Variants in SLC35B4 observed in about 807,000 individuals in gnomAD.
The protein encoded by SLC35B4 is solute carrier family 35 member B4.
In SLC35B4, 28 loss-of-function variants were observed where a neutral mutation model predicts 39.5. The observed-to-expected ratio is 0.71, with a 90% CI of 0.53 to 0.97. SLC35B4 has a LOEUF of 0.97. Ranked by LOEUF, SLC35B4 falls within the 50% of genes least tolerant of loss-of-function variation. The pLI is 0.00. For synonymous variants in SLC35B4, 145 were observed against 150.4 expected (o/e 0.96, Z 0.26); for missense variants, 334 against 414.3 (o/e 0.81, Z 1.68).
intron 9 of SLC35B4, chr7:134,295,296 C>A (rs1023237106): frequency 9.6e-6 from 5 of 520,484 alleles, no homozygotes; most frequent in Non-Finnish European, 1.7e-5. Flanking sequence ...CAAAAAACCC[C>A]CAATTATTCT....
chr7:134,306,925 G>T, intron 2 of SLC35B4, 151 bp from the exon 3 acceptor site: 1 of 515,656 alleles, frequency 1.9e-6, no homozygotes, highest in Non-Finnish European at 3.4e-6. Flanking sequence ...CAACTACTAA[G>T]TACATATCAA....
chr7:134,295,466 A>G (rs1382398276), intron 9 of SLC35B4, among the ~76,000 whole-genome samples: 2 of 152,166 alleles, frequency 1.3e-5, no homozygotes, highest in East Asian at 3.8e-4. Flanking sequence ...CTAGGAGCTG[A>G]CTTCAGAGGA....
intron 5 of SLC35B4, 49 bp downstream of exon 5, chr7:134,301,980 G>A (rs1803591730): frequency 6.4e-7 from 1 of 1,573,394 alleles, no homozygotes; most frequent in Admixed American, 1.7e-5. Flanking sequence ...CCTGGTAACT[G>A]GGCCCCAATA....
rs1409553592 is a variant in SLC35B4, at chr7:134,292,558, C to CTT, written c.*2273_*2274dup. On this transcript the variant is annotated 3_prime_UTR_variant, in exon 10 of 10. Coordinates refer to ENST00000378509, the MANE Select transcript of SLC35B4 (RefSeq NM_032826.5). ...ATCAACACATACCCAATGAAGAAAA[C>CTT]TTGTAATGTTTTCATCAACATAAAA... 7 of 152,134 alleles carry CTT rather than the reference C, an allele frequency of 4.6e-5. No individual in the cohort carries two copies. The highest frequency in any genetic ancestry group is 2.1e-4 in the South Asian group (1 of 4,826). The allele number at this position is 152,134 out of a possible 1,614,324, so 9.4% of individuals were successfully genotyped here. A position where few individuals can be genotyped will look rare whatever the true frequency, so the allele number is the denominator to read the frequency against.
chr7:134,302,062 T>C lies in SLC35B4; in HGVS notation c.393A>G (p.Ile131Met). 1 of 1,613,958 alleles carries C rather than the reference T, an allele frequency of 6.2e-7. No homozygotes were observed. The highest frequency in any genetic ancestry group is 8.5e-7 in the Non-Finnish European group (1 of 1,179,972). Reference sequence around the variant, plus strand: ...TTGCTGACATAAAAGTGCAAATAAATATCCCCACAGACACCAGGGCAATGG... The same window carrying C: ...TTGCTGACATAAAAGTGCAAATAAACATCCCCACAGACACCAGGGCAATGG... ...YTSIALVSVG[I>M]FICTFMSAKQ... Residue 131 changes from isoleucine to methionine, a missense_variant, in exon 5 of 10, where the codon ATA (isoleucine) becomes ATG (methionine). Transcript: ENST00000378509.
Position 134,303,088 on chromosome 7 carries a change from A to C in SLC35B4, c.345-978T>G, listed in dbSNP as rs924428144. ...ATTCAAATCCTGGAATGAGGAGCAC[A>C]CTATGAACTTGAGGGGCTTCTACCC... is the stretch of plus-strand genomic sequence containing the variant. On this transcript the variant is annotated intron_variant, in intron 4 of 9. Transcript: ENST00000378509. Among the ~76,000 whole-genome samples, 4 of 152,348 alleles carry C rather than the reference A, an allele frequency of 2.6e-5. No individual in the cohort carries two copies. The East Asian group carries it at 7.7e-4, about 29-fold the overall frequency.
At chr7:134,295,168 C>T in intron 9 of SLC35B4, 89 bp from the exon 10 acceptor site, 1 of 1,509,894 alleles carries the variant, frequency 6.6e-7, no homozygotes, top group Admixed American at 1.9e-5. Flanking sequence ...GGTTTAACTT[C>T]TCATATTCTA....
intron 2 of SLC35B4, among the ~76,000 whole-genome samples, chr7:134,307,954 T>C (rs1228063900): frequency 6.6e-6 from 1 of 152,238 alleles, no homozygotes; most frequent in African/African-American, 2.4e-5. Context: ...AGTTCTACCT[T>C]GAAGAGGTGC....
chr7:134,310,264 G>C (rs1449763880), intron 1 of SLC35B4, among the ~76,000 whole-genome samples: 1 of 152,190 alleles, frequency 6.6e-6, no homozygotes, highest in Admixed American at 6.5e-5. Context: ...ATTCAATAGA[G>C]TCTCTTTAGT....
chr7:134,302,911 C>T (rs1185709855), intron 4 of SLC35B4, among the ~76,000 whole-genome samples: 2 of 152,038 alleles, frequency 1.3e-5, no homozygotes, highest in African/African-American at 4.8e-5. Flanking sequence ...AAGAGGACCA[C>T]GCTAGAGAGC....
Position 134,294,195 on chromosome 7 carries a change from A to G in SLC35B4, c.*638T>C, listed in dbSNP as rs557403153. The G allele has an allele frequency of 6.7e-6, 1 of 149,786 alleles. No individual in the cohort carries two copies. The highest frequency in any genetic ancestry group is 2.4e-5 in the African/African-American group (1 of 41,044). 9.3% of individuals were successfully genotyped at this position (149,786 alleles called of 1,614,324 possible). On this transcript the variant is annotated 3_prime_UTR_variant, in exon 10 of 10. Coordinates refer to ENST00000378509, the MANE Select transcript of SLC35B4 (RefSeq NM_032826.5). ...TAGAAGCATCTGACTTTTGCATAGA[A>G]AAAAAAAAAAGCAAAATGTGGGAAA...
At position 134,299,559 on chromosome 7, in the gene SLC35B4, CA is replaced by C. The variant is rs752278401; in HGVS notation, c.636del (p.Asp213IlefsTer22). On this transcript the variant is annotated frameshift_variant, in exon 8 of 10. Coordinates refer to ENST00000378509, the MANE Select transcript of SLC35B4 (RefSeq NM_032826.5). LOFTEE classifies it high-confidence loss of function. ...AATAGAACTGCATGGTCATAAATAT[CA>C]GAAGCCAAGAAGACGAAACCCGGAA... ...LPLPGFVFLA[S>X]DIYDHAVLFN... 4.2e-5 allele frequency: 67 copies of C among 1,613,906 alleles called. No homozygotes were observed. The highest frequency in any genetic ancestry group is 5.6e-5 in the Non-Finnish European group (66 of 1,179,942).
chr7:134,295,954 G>A (rs542227692), intron 9 of SLC35B4, among the ~76,000 whole-genome samples: 14 of 152,094 alleles, frequency 9.2e-5, no homozygotes, highest in Non-Finnish European at 2.1e-4. Flanking sequence ...CTCAGCCTAT[G>A]GAGTAGCTGG....
intron 5 of SLC35B4, 64 bp downstream of exon 5, chr7:134,301,965 A>T (rs1036263384): frequency 1.3e-5 from 20 of 1,548,858 alleles, no homozygotes; most frequent in Non-Finnish European, 1.7e-5. Flanking sequence ...GAATTGTATT[A>T]ATTGCCTGGT....
At chr7:134,317,342 G>A (rs1804012283), upstream of SLC35B4, among the ~76,000 whole-genome samples, 1 of 152,096 alleles carries the variant, frequency 6.6e-6, no homozygotes, top group Admixed American at 6.5e-5. Flanking sequence ...CTATTATGCT[G>A]CCAGGATTAA....
At chr7:134,301,007 T>C (rs1339790106) in intron 6 of SLC35B4, among the ~76,000 whole-genome samples, 1 of 152,212 alleles carries the variant, frequency 6.6e-6, no homozygotes, top group African/African-American at 2.4e-5. Flanking sequence ...CCATGAACTA[T>C]ATGTTCATAT....
Position 134,294,917 on chromosome 7 carries a change from G to A in SLC35B4, c.912C>T (p.Phe304=). The change falls in exon 10 of 10, where the codon TTC becomes TTT. Residue 304 remains phenylalanine, a synonymous_variant. Coordinates refer to ENST00000378509, the MANE Select transcript of SLC35B4 (RefSeq NM_032826.5). The part of the protein sequence containing the change: ...LWHWLGTLFV[F]IGTLMYTEVW... ...CCTCTGTGTACATTAAGGTCCCAATGAAGACAAACAAGGTGCCCAGCCAGT... is the reference window on the plus strand; with the variant it reads ...CCTCTGTGTACATTAAGGTCCCAATAAAGACAAACAAGGTGCCCAGCCAGT... 6.2e-7 allele frequency: 1 copy of A among 1,614,154 alleles called. No homozygotes were observed. Among genetic ancestry groups the A allele is most frequent in the South Asian group, 1.1e-5 (1 of 91,068 alleles).
At position 134,316,885 on chromosome 7, in the gene SLC35B4, C is replaced by T. The variant is rs897749454; in HGVS notation, c.-134G>A. ...CTGGAAAGCCGCTCTCACTGGGGGC[C>T]GCCGCGGTCTCCCCTTCTCCCGCGG... On this transcript the variant is annotated 5_prime_UTR_variant, in exon 1 of 10. Transcript: ENST00000378509. 1.2e-6 allele frequency: 1 copy of T among 807,926 alleles called. No homozygotes were observed. Among genetic ancestry groups the T allele is most frequent in the Non-Finnish European group, 1.9e-6 (1 of 514,936 alleles). 50.0% of individuals were successfully genotyped at this position (807,926 alleles called of 1,614,324 possible).
chr7:134,312,551 C>T (rs765018774), intron 1 of SLC35B4, among the ~76,000 whole-genome samples: 8 of 152,222 alleles, frequency 5.3e-5, no homozygotes, highest in Non-Finnish European at 8.8e-5. Context: ...CTCTCACTTT[C>T]GGGTCAGTGA....
Sources: gnomAD v4.1 joint callset for allele counts (sites outside exome capture counted in the v4.1 genomes callset) on GRCh38, gnomAD v4.1.1 for gene constraint, MANE v1.5 for transcripts, NCBI Gene and HGNC (gene_info 2026-07-23, HGNC 2026-07-21) for gene names.